Variants in GRHL2 observed in about 807,000 individuals in gnomAD.
GRHL2 encodes grainyhead-like protein 2 homolog.
Under a neutral mutation model 83.8 loss-of-function variants are expected in GRHL2, and 21 were observed. The ratio of observed to expected loss-of-function variants is 0.25; its 90% confidence interval spans 0.18 to 0.36. GRHL2 has a LOEUF of 0.36. GRHL2 is among the 10% of genes least tolerant of loss of function. GRHL2 has a pLI of 1.00. For missense variants in GRHL2, 623 were observed against 781.8 expected, an observed-to-expected ratio of 0.80 and a Z score of 2.42; for synonymous variants, 280 against 278.9, an observed-to-expected ratio of 1.00 and a Z score of -0.04.
intron 4 of GRHL2, among the ~76,000 whole-genome samples, chr8:101,566,151 C>G (rs1811712469): frequency 6.6e-6 from 1 of 152,254 alleles, no homozygotes; most frequent in Admixed American, 6.5e-5. Context: ...TTATCTTAAA[C>G]ATATGATGCA....
chr8:101,622,887 C>A (rs545315004), intron 9 of GRHL2, among the ~76,000 whole-genome samples: 1 of 152,128 alleles, frequency 6.6e-6, no homozygotes, highest in African/African-American at 2.4e-5. Context: ...ATTCTTATGC[C>A]TTTGGGTCAT....
At chr8:101,533,151 T>A (rs975259666) in intron 1 of GRHL2, among the ~76,000 whole-genome samples, 4 of 152,174 alleles carry the variant, frequency 2.6e-5, no homozygotes, top group Middle Eastern at 3.4e-3. Flanking sequence ...CTTTTTTTTT[T>A]AAATTTGAAG....
intron 1 of GRHL2, among the ~76,000 whole-genome samples, chr8:101,538,909 C>T (rs147063769): frequency 6.6e-6 from 1 of 152,294 alleles, no homozygotes; most frequent in Non-Finnish European, 1.5e-5. Context: ...AAAGAAACAG[C>T]TAATAATGTT....
intron 9 of GRHL2, among the ~76,000 whole-genome samples, chr8:101,626,834 G>A (rs550106474): frequency 1.3e-5 from 2 of 152,160 alleles, no homozygotes; most frequent in East Asian, 1.9e-4. Flanking sequence ...ATAGGAAGAG[G>A]TGGAATACTC....
At chr8:101,645,044 T>G (rs1347971952) in intron 13 of GRHL2, among the ~76,000 whole-genome samples, 1 of 151,654 alleles carries the variant, frequency 6.6e-6, no homozygotes, top group African/African-American at 2.4e-5. Flanking sequence ...AGACGAGGTC[T>G]CAATATGTTG....
chr8:101,614,687 A>G (rs868268055), intron 8 of GRHL2, among the ~76,000 whole-genome samples: 2 of 152,344 alleles, frequency 1.3e-5, no homozygotes, highest in Middle Eastern at 3.4e-3. Flanking sequence ...TTGCTTTCAC[A>G]TTTGCCTGCT....
chr8:101,523,706 T>C (rs1810743541), intron 1 of GRHL2, among the ~76,000 whole-genome samples: 1 of 152,004 alleles, frequency 6.6e-6, no homozygotes, highest in Non-Finnish European at 1.5e-5. Context: ...CTTGAATTCC[T>C]GGGCTCAAAC....
the GRHL2 span, among the ~76,000 whole-genome samples, chr8:101,675,873 T>C: frequency 6.6e-6 from 1 of 152,090 alleles, no homozygotes; most frequent in Non-Finnish European, 1.5e-5. Context: ...TATAGATCAA[T>C]GGAACAGAAC....
At chr8:101,589,930 A>C (rs1201200271) in intron 7 of GRHL2, among the ~76,000 whole-genome samples, 1 of 152,188 alleles carries the variant, frequency 6.6e-6, no homozygotes, top group Non-Finnish European at 1.5e-5. Flanking sequence ...CGTAAGTTCT[A>C]ATCCCAGCCT....
intron 1 of GRHL2, among the ~76,000 whole-genome samples, chr8:101,522,830 C>T (rs1810716578): frequency 6.9e-6 from 1 of 144,550 alleles, no homozygotes. Context: ...ATATAACTTG[C>T]TTTTTTTTTT....
intron 1 of GRHL2, among the ~76,000 whole-genome samples, chr8:101,520,742 T>G (rs1244862737): frequency 2.0e-5 from 3 of 152,184 alleles, no homozygotes. Context: ...TCTGCTTATC[T>G]CTTAAGTTTC....
chr8:101,632,226 C>T lies in GRHL2; in HGVS notation c.1346C>T (p.Ser449Phe). 1 of 1,613,764 alleles carries T rather than the reference C, an allele frequency of 6.2e-7. No individual in the cohort carries two copies. Among genetic ancestry groups the T allele is most frequent in the Non-Finnish European group, 8.5e-7 (1 of 1,179,668 alleles). The change falls in exon 11 of 16, where the codon TCC (serine) becomes TTC (phenylalanine). Residue 449 changes from serine (S) to phenylalanine (F), a missense_variant and splice_region_variant. Transcript: ENST00000646743. ...GQASQTQCNSSSDGKLAAIPL... is the reference protein window; with the variant it reads ...GQASQTQCNSFSDGKLAAIPL... ...TATGAGTTTGTGTGATCCCATCCAG[C>T]CTCTGATGGGAAGTTGGCTGCCATA...
chr8:101,542,753 A>G, intron 1 of GRHL2: 1 of 456,652 alleles, frequency 2.2e-6, no homozygotes, highest in Non-Finnish European at 4.4e-6. Context: ...GCATCTGACC[A>G]AGGACTTCTT....
intron 1 of GRHL2, among the ~76,000 whole-genome samples, chr8:101,509,982 A>G (rs924053408): frequency 7.2e-5 from 11 of 152,030 alleles, no homozygotes; most frequent in Admixed American, 2.6e-4. Flanking sequence ...TGTATTGCAT[A>G]TTTTTATTTA....
chr8:101,519,518 C>T (rs746504400), intron 1 of GRHL2, among the ~76,000 whole-genome samples: 3 of 151,304 alleles, frequency 2.0e-5, no homozygotes, highest in Non-Finnish European at 4.4e-5. Flanking sequence ...CCTGCCTCAC[C>T]GCAGAGAAGC....
intron 2 of GRHL2, among the ~76,000 whole-genome samples, chr8:101,552,026 G>A (rs1455890546): frequency 2.0e-5 from 3 of 151,898 alleles, no homozygotes; most frequent in Non-Finnish European, 2.9e-5. Flanking sequence ...TAGTAGAGAC[G>A]GGGTTTCACT....
intron 13 of GRHL2, among the ~76,000 whole-genome samples, chr8:101,648,967 A>G (rs1367401901): frequency 2.6e-5 from 4 of 152,158 alleles, no homozygotes; most frequent in Non-Finnish European, 5.9e-5. Flanking sequence ...TGCTTCTCTA[A>G]ATGGACTGCA....
chr8:101,636,732 C>G (rs1813294656), intron 11 of GRHL2, 165 bp from the exon 12 acceptor site: 1 of 629,172 alleles, frequency 1.6e-6, no homozygotes, highest in African/African-American at 2.1e-5. Context: ...AATACACACA[C>G]ACACACACAC....
At chr8:101,531,222 CAAAAA>C (rs34027383) in intron 1 of GRHL2, among the ~76,000 whole-genome samples, 7 of 131,904 alleles carry the variant, frequency 5.3e-5, no homozygotes, top group Non-Finnish European at 3.2e-5. Context: ...GACCTTATCT[CAAAAA>C]AAAAAAAAAA....
Sources: allele counts gnomAD v4.1 joint callset (sites outside exome capture counted in the v4.1 genomes callset), GRCh38; gene constraint gnomAD v4.1.1; transcripts MANE v1.5; gene names NCBI Gene and HGNC (gene_info 2026-07-23, HGNC 2026-07-21).